The following HNMT variants were observed in gnomAD, a reference collection of about 807,000 sequenced individuals.
The protein encoded by HNMT is histamine N-methyltransferase.
A neutral mutation model predicts 32.1 loss-of-function variants in HNMT; 30 were observed. The ratio of observed to expected loss-of-function variants is 0.93; its 90% CI spans 0.70 to 1.27. The LOEUF (loss-of-function observed/expected upper bound fraction) is 1.27, where lower values mean the gene tolerates loss of function less well. HNMT is among the 50% of genes most tolerant of loss of function. HNMT has a pLI of 0.00. For synonymous variants in HNMT, 125 were observed against 119.0 expected (o/e 1.05, Z -0.33); for missense variants, 327 against 346.0 (o/e 0.95, Z 0.43).
intron 3 of HNMT, among the ~76,000 whole-genome samples, chr2:138,001,511 A>G (rs1681170888): frequency 6.6e-6 from 1 of 152,216 alleles, no homozygotes; most frequent in African/African-American, 2.4e-5. Context: ...GTGTTTGAAT[A>G]AAACTTTATT....
chr2:137,989,224 C>G (rs528409505), intron 2 of HNMT, among the ~76,000 whole-genome samples: 2 of 152,154 alleles, frequency 1.3e-5, no homozygotes, highest in Non-Finnish European at 2.9e-5. Flanking sequence ...CATCTATGCT[C>G]CACCCCTTCA....
At position 138,004,282 on chromosome 2, in the gene HNMT, C is replaced by T. The variant is rs150506484; in HGVS notation, c.430-850C>T. ...CCCCTAAGGCACCATGAGCCATGCA[C>T]AGGTCAGGTCCATTTTATTTCATTC... On this transcript the variant is annotated intron_variant, in intron 4 of 5. Coordinates refer to ENST00000280097, the MANE Select transcript of HNMT (RefSeq NM_006895.3). Among the ~76,000 whole-genome samples, 45 of 152,164 alleles carry T rather than the reference C, an allele frequency of 3.0e-4. No individual in the cohort carries two copies. In the East Asian group the frequency reaches 6.8e-3, roughly 23 times the overall value.
intron 5 of HNMT, 45 bp downstream of exon 5, chr2:138,005,270 C>A (rs145192312): frequency 4.0e-6 from 4 of 997,328 alleles, no homozygotes; most frequent in Non-Finnish European, 4.8e-6. Context: ...AGCAATAATA[C>A]ACGTATGCAT....
intron 2 of HNMT, among the ~76,000 whole-genome samples, chr2:137,993,532 A>C (rs1573664325): frequency 6.6e-6 from 1 of 152,196 alleles, no homozygotes; most frequent in Admixed American, 6.5e-5. Context: ...ACTTCATAAG[A>C]AGACCAAACC....
chr2:137,970,238 A>G (rs1558950615), intron 2 of HNMT, 21 bp downstream of exon 2: 4 of 1,368,952 alleles, frequency 2.9e-6, no homozygotes, highest in Non-Finnish European at 4.1e-6. Context: ...TATATTTTTA[A>G]AGTTCATATT....
intron 2 of HNMT, among the ~76,000 whole-genome samples, chr2:138,000,697 T>G (rs192389505): frequency 6.6e-6 from 1 of 152,140 alleles, no homozygotes; most frequent in Non-Finnish European, 1.5e-5. Context: ...TTAAAGATCA[T>G]GTAAACGAAT....
At chr2:138,009,635 C>A (rs1431773690) in intron 5 of HNMT, among the ~76,000 whole-genome samples, 1 of 152,040 alleles carries the variant, frequency 6.6e-6, no homozygotes, top group African/African-American at 2.4e-5. Context: ...TAGTTTCCAA[C>A]ATTGGAAACA....
At position 138,005,216 on chromosome 2, in the gene HNMT, G is replaced by T. The variant is rs758469686; in HGVS notation, c.514G>T (p.Val172Phe). 2.0e-5 allele frequency: 31 copies of T among 1,566,858 alleles called. No homozygotes were observed. Among genetic ancestry groups the T allele is most frequent in the Non-Finnish European group, 2.6e-5 (30 of 1,138,456 alleles). Residue 172 changes from valine (V) to phenylalanine (F), a missense_variant, in exon 5 of 6, where the codon GTT becomes TTT. Val to Phe is a conservative substitution (Grantham distance 50). Transcript: ENST00000280097. Reference sequence around the variant, plus strand: ...TACCAATGCTAAGATGCTCATTATTGTTGTGTCAGGTAAGTTATTTTCATT... The same window carrying T: ...TACCAATGCTAAGATGCTCATTATTTTTGTGTCAGGTAAGTTATTTTCATT... ...LGTNAKMLII[V>F]VSGSSGWDKL... is the part of the protein sequence containing the mutation.
chr2:138,002,360 T>C (rs1408515030), intron 4 of HNMT, 166 bp downstream of exon 4: 24 of 1,044,396 alleles, frequency 2.3e-5, no homozygotes, highest in East Asian at 1.8e-4. Flanking sequence ...ATGTTTATTA[T>C]ACTAAGATTC....
At chr2:138,010,232 A>ATAAG (rs2104988616) in intron 5 of HNMT, among the ~76,000 whole-genome samples, 1 of 152,166 alleles carries the variant, frequency 6.6e-6, no homozygotes, top group Non-Finnish European at 1.5e-5. Flanking sequence ...GACAATACTT[A>ATAAG]GTAAATATGT....
chr2:138,003,807 CA>C (rs1386473246), intron 4 of HNMT, among the ~76,000 whole-genome samples: 5 of 151,998 alleles, frequency 3.3e-5, no homozygotes, highest in African/African-American at 9.7e-5. Context: ...CATCTTATTG[CA>C]AAAACCTCCT....
chr2:137,982,037 A>G (rs574151108), intron 2 of HNMT, among the ~76,000 whole-genome samples: 74 of 152,288 alleles, frequency 4.9e-4, no homozygotes, highest in African/African-American at 1.6e-3. Flanking sequence ...TATTTTTAGT[A>G]GAGATTTCAC....
rs781774303 is a variant in HNMT, at chr2:138,001,044, C to T, written c.298+19C>T. The T allele has an allele frequency of 6.2e-6, 8 of 1,285,720 alleles. No individual in the cohort carries two copies. In the South Asian group the frequency reaches 8.9e-5, roughly 14 times the overall value. The allele number at this position is 1,285,720 out of a possible 1,614,324, so 79.6% of individuals were successfully genotyped here. On this transcript the variant is annotated intron_variant, in intron 3 of 5. Coordinates refer to ENST00000280097, the MANE Select transcript of HNMT (RefSeq NM_006895.3). The stretch of plus-strand genomic sequence containing the variant: ...TACAAAGGTACCTGTAACTCCTGGT[C>T]CTCTACACCAGATCCTATCCCAAAA...
Position 137,983,868 on chromosome 2 carries a change from G to A in HNMT, c.190+13651G>A, listed in dbSNP as rs1287381075. Among the ~76,000 whole-genome samples, 8 of 152,280 alleles carry A rather than the reference G, an allele frequency of 5.3e-5. No individual in the cohort carries two copies. The South Asian group carries it at 1.7e-3, about 32-fold the overall frequency. On this transcript the variant is annotated intron_variant, in intron 2 of 5. Coordinates refer to ENST00000280097, the MANE Select transcript of HNMT (RefSeq NM_006895.3). ...CCTGCCCTTAGGCAGAAGAGTAGGAGGATAGGGAAAATTTTCCTTCCATTT... is the reference window on the plus strand; with the variant it reads ...CCTGCCCTTAGGCAGAAGAGTAGGAAGATAGGGAAAATTTTCCTTCCATTT...
intron 4 of HNMT, chr2:138,002,891 T>C: frequency 5.4e-6 from 2 of 373,510 alleles, no homozygotes; most frequent in Non-Finnish European, 7.4e-6. Context: ...AAGGGGCAGG[T>C]TAAATGATGC....
chr2:137,983,805 A>C (rs756490065), intron 2 of HNMT, among the ~76,000 whole-genome samples: 11 of 152,202 alleles, frequency 7.2e-5, no homozygotes, highest in Non-Finnish European at 1.5e-4. Flanking sequence ...TGGGACGGTA[A>C]GAGTTTAGAG....
intron 2 of HNMT, among the ~76,000 whole-genome samples, chr2:137,990,049 C>T (rs1167106601): frequency 1.3e-5 from 2 of 152,072 alleles, no homozygotes; most frequent in African/African-American, 4.8e-5. Context: ...ATCTCATTCT[C>T]TTGACATTTT....
chr2:137,966,955 G>C, intron 1 of HNMT: 1 of 655,844 alleles, frequency 1.5e-6, no homozygotes, highest in Non-Finnish European at 2.7e-6. Flanking sequence ...AACTTTAAGA[G>C]TGAACGAGAG....
chr2:137,967,181 C>T lies in HNMT; in HGVS notation c.137+2553C>T, dbSNP rs114017045. The T allele has an allele frequency of 2.2e-3, 1,639 of 755,982 alleles. 17 individuals are homozygous for T. In the African/African-American group the frequency reaches 0.023, roughly 11 times the overall value. The allele number at this position is 755,982 out of a possible 1,614,324, so 46.8% of individuals were successfully genotyped here. A position where few individuals can be genotyped will look rare whatever the true frequency, so the allele number is the denominator to read the frequency against. On this transcript the variant is annotated intron_variant, in intron 1 of 5. Transcript: ENST00000280097. ...ATCCTAGCACTTCGGGAGGCTGAGG[C>T]GGGAGGATTACTTGAGCCTAGGAGT...
Sources: allele counts gnomAD v4.1 joint callset (sites outside exome capture counted in the v4.1 genomes callset), GRCh38; gene constraint gnomAD v4.1.1; transcripts MANE v1.5; gene names NCBI Gene and HGNC (gene_info 2026-07-23, HGNC 2026-07-21).